HEATR4: variants seen among roughly 807,000 people sequenced by gnomAD.
HEATR4 encodes HEAT repeat-containing protein 4.
A neutral mutation model predicts 108.8 loss-of-function variants in HEATR4; 95 were observed. That is an observed-to-expected ratio of 0.87 (90% CI 0.74 to 1.04). The LOEUF is 1.04. Ranked by LOEUF, HEATR4 falls within the 50% of genes least tolerant of loss-of-function variation. The probability of loss-of-function intolerance (pLI) is 0.00; values close to 1 mark genes in which losing one functional copy is unlikely to be tolerated. For missense variants in HEATR4, 1,152 were observed against 1,253.8 expected (o/e 0.92, Z 1.23); for synonymous variants, 443 against 459.4 (o/e 0.96, Z 0.46).
At chr14:73,508,059 G>T in intron 9 of HEATR4, 75 bp downstream of exon 9, 1 of 1,389,024 alleles carries the variant, frequency 7.2e-7, no homozygotes, top group African/African-American at 1.4e-5. Flanking sequence ...CTGCATTTCA[G>T]ATTGCTTACA....
chr14:73,493,550 ACT>A (rs1333314717), intron 16 of HEATR4, among the ~76,000 whole-genome samples: 2 of 151,960 alleles, frequency 1.3e-5, no homozygotes, highest in Admixed American at 6.6e-5. Flanking sequence ...TAAGGAAGAG[ACT>A]CTCAGGCTGG....
intron 17 of HEATR4, among the ~76,000 whole-genome samples, chr14:73,487,463 G>A (rs926851407): frequency 1.3e-5 from 2 of 152,128 alleles, no homozygotes; most frequent in Non-Finnish European, 2.9e-5. Flanking sequence ...CTACTCGGGA[G>A]GCTGAGGCAG....
At position 73,524,310 on chromosome 14, in the gene HEATR4, A is replaced by AAAAAATAT; in HGVS notation, c.-72-1087_-72-1086insATATTTTT. Among the ~76,000 whole-genome samples, 70 of 54,780 alleles carry AAAAAATAT rather than the reference A, an allele frequency of 1.3e-3. 1 individual carries two copies. Among genetic ancestry groups the AAAAAATAT allele is most frequent in the African/African-American group, 2.9e-3 (33 of 11,346 alleles). The allele number at this position is 54,780 out of a possible 152,430, so 35.9% of individuals were successfully genotyped here. Reference sequence around the variant, plus strand: ...CTCCGTCTCAAAAAAAAAAAAAAAAAATATATATATATATATATATATATA... The same window carrying AAAAAATAT: ...CTCCGTCTCAAAAAAAAAAAAAAAAAAAAAATATATATATATATATATATATATATATA... On this transcript the variant is annotated intron_variant, in intron 2 of 17. Transcript: ENST00000553558.
intron 7 of HEATR4, among the ~76,000 whole-genome samples, chr14:73,511,554 AATAAATAAATAAAAT>A (rs1887260685): frequency 2.0e-5 from 2 of 100,938 alleles, no homozygotes; most frequent in African/African-American, 6.7e-5. Flanking sequence ...TAAATAAATA[AATAAATAAATAAAAT>A]AAAATAAAAA....
At chr14:73,559,027 G>C (rs192395798), upstream of HEATR4, 2 of 151,968 alleles carry the variant, frequency 1.3e-5, no homozygotes, top group South Asian at 4.2e-4. Context: ...GGGTTCAGTC[G>C]GGGGTATATC....
intron 1 of HEATR4, among the ~76,000 whole-genome samples, chr14:73,542,403 C>CTTTTTT (rs57839054): frequency 1.2e-5 from 1 of 83,466 alleles, no homozygotes; most frequent in African/African-American, 4.1e-5. Context: ...TTTTTTCTTT[C>CTTTTTT]TTTTTTTTTT....
At chr14:73,483,873 G>A (rs1006550687) in intron 17 of HEATR4, among the ~76,000 whole-genome samples, 2 of 150,032 alleles carry the variant, frequency 1.3e-5, no homozygotes, top group Non-Finnish European at 3.0e-5. Flanking sequence ...TTTTTTTTGA[G>A]ACGGAGTCTC....
At chr14:73,598,080 AG>A in the HEATR4 span, among the ~76,000 whole-genome samples, 1 of 150,882 alleles carries the variant, frequency 6.6e-6, no homozygotes, top group South Asian at 2.2e-4. Context: ...CCTCATCAAA[AG>A]ATGGGAGACC....
chr14:73,522,970 G>A lies in HEATR4; in HGVS notation c.183C>T (p.Ser61=). Reference sequence around the variant, plus strand: ...TTGCAGCAGCCATTTTCAAATATTGGCTCTTGCGGTGTAGACGGTACTGTG... The same window carrying A: ...TTGCAGCAGCCATTTTCAAATATTGACTCTTGCGGTGTAGACGGTACTGTG... ...FSSQYRLHRK[S]QYLKMAAANL... The change falls in exon 3 of 18, where the codon AGC becomes AGT. Residue 61 remains serine, a synonymous_variant. Coordinates refer to ENST00000553558, the MANE Select transcript of HEATR4 (RefSeq NM_001220484.1). 1 of 1,614,186 alleles carries A rather than the reference G, an allele frequency of 6.2e-7. No individual in the cohort carries two copies. Among genetic ancestry groups the A allele is most frequent in the Non-Finnish European group, 8.5e-7 (1 of 1,180,036 alleles).
chr14:73,595,823 ACTTG>A, the HEATR4 span: 2 of 769,656 alleles, frequency 2.6e-6, no homozygotes, highest in African/African-American at 3.5e-5. Context: ...TACTAATGTA[ACTTG>A]CTTGTTGTAG....
chr14:73,611,281 G>A, the HEATR4 span, among the ~76,000 whole-genome samples: 3 of 152,104 alleles, frequency 2.0e-5, no homozygotes, highest in Admixed American at 6.6e-5. Context: ...CCAAAGAGAG[G>A]CATTAGCAAG....
the HEATR4 span, among the ~76,000 whole-genome samples, chr14:73,628,691 T>G: frequency 5.3e-5 from 8 of 151,304 alleles, no homozygotes; most frequent in Non-Finnish European, 1.2e-4. Flanking sequence ...AGGTGGAGGT[T>G]TCAGTGAGCT....
At chr14:73,571,560 A>G in the HEATR4 span, 2 of 151,866 alleles carry the variant, frequency 1.3e-5, no homozygotes, top group African/African-American at 4.8e-5. Context: ...TACTGCTTCC[A>G]GACCAGGAAG....
chr14:73,565,792 G>A, the HEATR4 span, among the ~76,000 whole-genome samples: 1 of 152,030 alleles, frequency 6.6e-6, no homozygotes, highest in Non-Finnish European at 1.5e-5. Context: ...TAAAGGCAGT[G>A]TGGACGCAAA....
rs375354682 is a variant in HEATR4, at chr14:73,491,033, G to A, written c.2844+2033C>T. 246 of 1,560,352 alleles carry A rather than the reference G, an allele frequency of 1.6e-4. No individual in the cohort carries two copies. The African/African-American group carries it at 3.1e-3, about 20-fold the overall frequency. The stretch of plus-strand genomic sequence containing the variant: ...TGGTCTGGCCATGGATGGGCTCCAG[G>A]CCAGTGCAGGGCCGTTGAGGCGCGG... On this transcript the variant is annotated intron_variant, in intron 17 of 17. Transcript: ENST00000553558.
the HEATR4 span, chr14:73,574,863 G>C: frequency 2.5e-6 from 4 of 1,613,042 alleles, no homozygotes; most frequent in Non-Finnish European, 3.4e-6. Flanking sequence ...ATATTCCACT[G>C]TTTGTGGAAT....
At chr14:73,624,226 G>T in the HEATR4 span, among the ~76,000 whole-genome samples, 1 of 152,068 alleles carries the variant, frequency 6.6e-6, no homozygotes, top group African/African-American at 2.4e-5. Flanking sequence ...AGATTCAAGT[G>T]ATTCTCCTAC....
intron 1 of HEATR4, among the ~76,000 whole-genome samples, chr14:73,558,350 C>T (rs1426920093): frequency 1.6e-5 from 2 of 128,822 alleles, no homozygotes; most frequent in East Asian, 2.4e-4. Context: ...TAAAGATGAC[C>T]TGGTCTAATG....
In HEATR4 at chr14:73,507,201, C is replaced by T. The variant is rs927786620; in HGVS notation, c.1882-630G>A. 1.7e-3 allele frequency among the ~76,000 whole-genome samples: 261 copies of T among 152,268 alleles called. 1 individual carries two copies. The highest frequency in any genetic ancestry group is 6.0e-3 in the African/African-American group (250 of 41,542). ...GAAAGTAACTAAACACAAATATAGGCCTCTGCAGTTTTCAATGGTAAACTT... is the reference window on the plus strand; with the variant it reads ...GAAAGTAACTAAACACAAATATAGGTCTCTGCAGTTTTCAATGGTAAACTT... On this transcript the variant is annotated intron_variant, in intron 9 of 17. Transcript: ENST00000553558.
Sources: allele counts gnomAD v4.1 joint callset (sites outside exome capture counted in the v4.1 genomes callset), GRCh38; gene constraint gnomAD v4.1.1; transcripts MANE v1.5; gene names NCBI Gene and HGNC (gene_info 2026-07-23, HGNC 2026-07-21).